Variants in MDFIC observed in about 807,000 individuals in gnomAD.
MDFIC encodes the protein MyoD family inhibitor domain containing.
A neutral mutation model predicts 23.2 loss-of-function variants in MDFIC; 17 were observed. That is an observed-to-expected ratio of 0.73 (90% CI 0.50 to 1.10). MDFIC has a LOEUF of 1.10. MDFIC is among the 50% of genes least tolerant of loss of function. The pLI is 0.00. For missense variants in MDFIC, 356 were observed against 316.6 expected (o/e 1.12, Z -0.95); for synonymous variants, 120 against 115.2 (o/e 1.04, Z -0.27).
rs1177296069 is a variant in MDFIC, at chr7:114,990,350, CT to C, written c.493+10581del. 7.5e-3 allele frequency among the ~76,000 whole-genome samples: 1,096 copies of C among 145,436 alleles called. 14 individuals carry two copies. The highest frequency in any genetic ancestry group is 0.023 in the African/African-American group (935 of 40,134). On this transcript the variant is annotated intron_variant, in intron 4 of 4. Transcript: ENST00000393486. ...AAGATCCTGTTAGCACTGTGTTATT[CT>C]TTTTTTTTTTTCTTTATACTTTAAG...
At chr7:114,943,176 A>G (rs1792581082) in intron 3 of MDFIC, among the ~76,000 whole-genome samples, 1 of 152,222 alleles carries the variant, frequency 6.6e-6, no homozygotes, top group Non-Finnish European at 1.5e-5. Flanking sequence ...TTCAGAGTGG[A>G]TGGAGGAGAA....
At chr7:114,974,076 T>G (rs535022726) in intron 3 of MDFIC, among the ~76,000 whole-genome samples, 2 of 152,284 alleles carry the variant, frequency 1.3e-5, no homozygotes, top group Admixed American at 6.5e-5. Flanking sequence ...TATTGGGATA[T>G]AGGGTCCATG....
intron 2 of MDFIC, among the ~76,000 whole-genome samples, chr7:114,931,078 T>G (rs1399789629): frequency 2.0e-5 from 3 of 151,910 alleles, no homozygotes; most frequent in East Asian, 1.9e-4. Context: ...CCTCCCTCTC[T>G]CTCTCTCTTT....
At chr7:114,977,679 A>G (rs1215510450) in intron 3 of MDFIC, among the ~76,000 whole-genome samples, 1 of 152,096 alleles carries the variant, frequency 6.6e-6, no homozygotes, top group East Asian at 1.9e-4. Context: ...ACAGGTGAAT[A>G]TTCACATTTG....
At chr7:114,960,777 C>T (rs1232387704) in intron 3 of MDFIC, among the ~76,000 whole-genome samples, 1 of 152,032 alleles carries the variant, frequency 6.6e-6, no homozygotes, top group African/African-American at 2.4e-5. Context: ...TTTTTGAAAT[C>T]CCACTTAAAT....
Position 115,006,081 on chromosome 7 carries a change from C to A in MDFIC, c.494-9607C>A, listed in dbSNP as rs561884817. ...GGCTGGGGAGTGCATCCTGGGTCTT[C>A]TCAGGCGAGGCTCCTCCTGCCTGTG... On this transcript the variant is annotated intron_variant, in intron 4 of 4. Coordinates refer to ENST00000393486, the MANE Select transcript of MDFIC (RefSeq NM_001166345.3). Among the ~76,000 whole-genome samples, 14 of 152,268 alleles carry A rather than the reference C, an allele frequency of 9.2e-5. No homozygotes were observed. In the South Asian group the frequency reaches 2.9e-3, roughly 32 times the overall value.
chr7:114,981,152 G>A (rs772569297), intron 4 of MDFIC, among the ~76,000 whole-genome samples: 19 of 152,120 alleles, frequency 1.2e-4, no homozygotes, highest in Non-Finnish European at 2.2e-4. Context: ...CTAGGTGATC[G>A]GGTGAAATAA....
intron 3 of MDFIC, among the ~76,000 whole-genome samples, chr7:114,964,914 T>C (rs1179342031): frequency 6.6e-6 from 1 of 152,192 alleles, no homozygotes; most frequent in Non-Finnish European, 1.5e-5. Context: ...GCACTGTATG[T>C]ATGTGGGCTT....
chr7:115,003,786 C>T (rs1178446811), intron 4 of MDFIC, among the ~76,000 whole-genome samples: 2 of 152,168 alleles, frequency 1.3e-5, no homozygotes, highest in African/African-American at 4.8e-5. Flanking sequence ...TTCTTTAAGA[C>T]ATAACTCAGG....
At chr7:114,995,949 T>A (rs890669063) in intron 4 of MDFIC, among the ~76,000 whole-genome samples, 4 of 152,196 alleles carry the variant, frequency 2.6e-5, no homozygotes, top group Non-Finnish European at 4.4e-5. Flanking sequence ...TATTTGGCCA[T>A]CTTGGAACCA....
chr7:115,009,753 A>T (rs545499851), intron 4 of MDFIC, among the ~76,000 whole-genome samples: 1 of 152,294 alleles, frequency 6.6e-6, no homozygotes, highest in Non-Finnish European at 1.5e-5. Context: ...GGACTCAAAG[A>T]TTTTGTTTGG....
At chr7:115,012,381 C>G (rs553424078) in intron 4 of MDFIC, among the ~76,000 whole-genome samples, 1 of 152,116 alleles carries the variant, frequency 6.6e-6, no homozygotes, top group Non-Finnish European at 1.5e-5. Flanking sequence ...CACCATGAGA[C>G]GCCATTTCAC....
chr7:114,980,915 A>G (rs553182512), intron 4 of MDFIC, among the ~76,000 whole-genome samples: 6 of 152,312 alleles, frequency 3.9e-5, no homozygotes, highest in Admixed American at 1.3e-4. Context: ...AACTGAGATA[A>G]AGTGTTAGGT....
At chr7:114,953,848 T>C (rs529591735) in intron 3 of MDFIC, among the ~76,000 whole-genome samples, 1 of 152,216 alleles carries the variant, frequency 6.6e-6, no homozygotes, top group East Asian at 1.9e-4. Context: ...AAATGCTATG[T>C]AAATAGTTGT....
In MDFIC at chr7:115,015,849, G is replaced by A. The variant is rs1266030802; in HGVS notation, c.655G>A (p.Asp219Asn). 3.1e-6 allele frequency: 5 copies of A among 1,614,176 alleles called. No individual in the cohort carries two copies. Among genetic ancestry groups the A allele is most frequent in the Non-Finnish European group, 4.2e-6 (5 of 1,180,026 alleles). The change falls in exon 5 of 5, where the codon GAC becomes AAC. Residue 219 changes from aspartate (D) to asparagine (N), a missense_variant. Asp to Asn is a conservative substitution (Grantham distance 23). Coordinates refer to ENST00000393486, the MANE Select transcript of MDFIC (RefSeq NM_001166345.3). ...TGATTGTAACTGCCCTTGTGATATG[G>A]ACTGTGGCATCATGGATGCCTGTTG... ...GDDCNCPCDM[D>N]CGIMDACCES...
intron 4 of MDFIC, among the ~76,000 whole-genome samples, chr7:114,995,756 C>T (rs1233520457): frequency 1.3e-5 from 2 of 152,210 alleles, no homozygotes; most frequent in East Asian, 1.9e-4. Flanking sequence ...TCTGCCCCTA[C>T]TGGGGGGTGC....
At chr7:114,972,411 C>T (rs889547973) in intron 3 of MDFIC, among the ~76,000 whole-genome samples, 1 of 152,060 alleles carries the variant, frequency 6.6e-6, no homozygotes, top group East Asian at 1.9e-4. Context: ...TCTACCACCC[C>T]CTTAGACCTG....
chr7:114,966,600 C>A (rs1793101736), intron 3 of MDFIC, among the ~76,000 whole-genome samples: 1 of 152,194 alleles, frequency 6.6e-6, no homozygotes, highest in East Asian at 1.9e-4. Flanking sequence ...ACAGCTCCCA[C>A]CAACAATATA....
intron 4 of MDFIC, among the ~76,000 whole-genome samples, chr7:114,999,525 T>A (rs992020976): frequency 2.0e-5 from 3 of 152,050 alleles, no homozygotes; most frequent in Non-Finnish European, 4.4e-5. Flanking sequence ...TTTTATTTTT[T>A]AAATTACTTA....
Sources: allele counts gnomAD v4.1 joint callset (sites outside exome capture counted in the v4.1 genomes callset), GRCh38; gene constraint gnomAD v4.1.1; transcripts MANE v1.5; gene names NCBI Gene and HGNC (gene_info 2026-07-23, HGNC 2026-07-21).